Variants in VPS13B observed in about 807,000 individuals in gnomAD.
The protein encoded by VPS13B is vacuolar protein sorting 13 homolog B, also known as intermembrane lipid transfer protein VPS13B.
A neutral mutation model predicts 426.4 loss-of-function variants in VPS13B; 285 were observed. That is an observed-to-expected ratio of 0.67 (90% CI 0.61 to 0.74). The LOEUF is 0.74. Ranked by LOEUF, VPS13B falls within the 30% of genes least tolerant of loss-of-function variation. The pLI is 0.00. For synonymous variants in VPS13B, 1,676 were observed against 1,676.4 expected (o/e 1.00, Z 0.01); for missense variants, 4,537 against 4,782.6 (o/e 0.95, Z 1.51).
intron 17 of VPS13B, among the ~76,000 whole-genome samples, chr8:99,210,788 G>A (rs1443162289): frequency 1.3e-5 from 2 of 152,028 alleles, no homozygotes; most frequent in Non-Finnish European, 2.9e-5. Flanking sequence ...TGTAGAGATG[G>A]AGTTTTGCCA....
intron 52 of VPS13B, 143 bp downstream of exon 52, chr8:99,832,795 A>G: frequency 5.9e-6 from 5 of 843,740 alleles, no homozygotes; most frequent in Non-Finnish European, 9.1e-6. Flanking sequence ...GACATTGTAT[A>G]CAGTGGGTCA....
intron 19 of VPS13B, among the ~76,000 whole-genome samples, chr8:99,363,493 G>T (rs1220954526): frequency 1.3e-5 from 2 of 151,948 alleles, no homozygotes; most frequent in African/African-American, 2.4e-5. Flanking sequence ...TAATTTTTTG[G>T]TTTTTCTGTG....
chr8:99,047,029 A>G (rs1243591062), intron 3 of VPS13B, among the ~76,000 whole-genome samples: 2 of 152,010 alleles, frequency 1.3e-5, no homozygotes, highest in Non-Finnish European at 2.9e-5. Context: ...TATTAGGGTG[A>G]TATCGGTTTC....
intron 19 of VPS13B, among the ~76,000 whole-genome samples, chr8:99,324,933 G>A (rs1406289114): frequency 1.3e-5 from 2 of 151,972 alleles, no homozygotes; most frequent in Non-Finnish European, 2.9e-5. Flanking sequence ...TCCTTCCATT[G>A]TATAATCATA....
chr8:99,661,283 T>C (rs1830213683), intron 34 of VPS13B, 71 bp from the exon 35 acceptor site: 2 of 1,587,670 alleles, frequency 1.3e-6, no homozygotes, highest in Non-Finnish European at 1.7e-6. Context: ...ATTTATTAAC[T>C]CAAACTCATA....
At chr8:99,274,845 T>C (rs1365545294) in intron 18 of VPS13B, among the ~76,000 whole-genome samples, 1 of 152,156 alleles carries the variant, frequency 6.6e-6, no homozygotes, top group African/African-American at 2.4e-5. Flanking sequence ...ACAGTGTGTT[T>C]AGTTGTTTCC....
rs201586761 is a variant in VPS13B at position 99,558,640 on chromosome 8, A to G, written c.4949+1987A>G. Among the ~76,000 whole-genome samples, 43 of 151,828 alleles carry G rather than the reference A, an allele frequency of 2.8e-4. No individual in the cohort carries two copies. In the East Asian group the frequency reaches 7.6e-3, roughly 27 times the overall value. On this transcript the variant is annotated intron_variant, in intron 31 of 61. Transcript: ENST00000357162. ...TGTTCTCATTGTTCAATTCCCACCT[A>G]TGAGTGAGAACATGCGGTGTTTGGT... is the stretch of plus-strand genomic sequence containing the variant.
At chr8:99,159,109 T>A (rs181431230) in intron 15 of VPS13B, among the ~76,000 whole-genome samples, 3 of 152,184 alleles carry the variant, frequency 2.0e-5, no homozygotes, top group African/African-American at 7.2e-5. Context: ...TGGATTACTT[T>A]GAGGGGTTCA....
At chr8:99,661,887 A>G (rs574642769) in intron 35 of VPS13B, among the ~76,000 whole-genome samples, 138 of 152,296 alleles carry the variant, frequency 9.1e-4, no homozygotes, top group Non-Finnish European at 1.5e-3. Context: ...ATATATATAC[A>G]TAAGATAGTA....
In VPS13B at chr8:99,198,164, A is replaced by G. The variant is rs185951628; in HGVS notation, c.2515+5107A>G. 6.1e-3 allele frequency among the ~76,000 whole-genome samples: 928 copies of G among 152,268 alleles called. 14 individuals carry two copies. Among genetic ancestry groups the G allele is most frequent in the African/African-American group, 0.021 (883 of 41,570 alleles). ...ATTTTATATGGATTTACTATTCAAA[A>G]TCTTACCTTTTTGATGCCAGCCCAT... On this transcript the variant is annotated intron_variant, in intron 17 of 61. Coordinates refer to ENST00000357162, the MANE Select transcript of VPS13B (RefSeq NM_152564.5).
chr8:99,357,421 A>T (rs1165007710), intron 19 of VPS13B, among the ~76,000 whole-genome samples: 2 of 152,096 alleles, frequency 1.3e-5, no homozygotes, highest in African/African-American at 4.8e-5. Flanking sequence ...TTCTGTCACT[A>T]TATGTTTCAG....
At chr8:99,166,214 C>T (rs1267937366) in intron 15 of VPS13B, among the ~76,000 whole-genome samples, 1 of 152,074 alleles carries the variant, frequency 6.6e-6, no homozygotes. Flanking sequence ...CTCCTGAGCT[C>T]GTGATCCACC....
intron 25 of VPS13B, among the ~76,000 whole-genome samples, chr8:99,485,401 A>C (rs1450598395): frequency 1.3e-5 from 2 of 152,214 alleles, no homozygotes; most frequent in Non-Finnish European, 2.9e-5. Context: ...ATGAAAGATG[A>C]ATTATAACTC....
intron 35 of VPS13B, among the ~76,000 whole-genome samples, chr8:99,664,167 C>T (rs1322124820): frequency 4.6e-5 from 7 of 151,732 alleles, no homozygotes; most frequent in African/African-American, 7.3e-5. Context: ...CCATCACACC[C>T]GGCTAATTTT....
At chr8:99,764,365 T>C (rs1004165465) in intron 39 of VPS13B, among the ~76,000 whole-genome samples, 10 of 151,442 alleles carry the variant, frequency 6.6e-5, no homozygotes, top group Non-Finnish European at 1.2e-4. Context: ...CTAAACAAAA[T>C]AATATTTCCT....
intron 33 of VPS13B, among the ~76,000 whole-genome samples, chr8:99,626,328 G>A (rs1450616283): frequency 6.6e-6 from 1 of 152,180 alleles, no homozygotes; most frequent in Non-Finnish European, 1.5e-5. Flanking sequence ...AGGGAAAGAA[G>A]CTAGTCATTA....
At chr8:99,545,121 A>AG (rs201476308) in intron 30 of VPS13B, among the ~76,000 whole-genome samples, 1 of 152,176 alleles carries the variant, frequency 6.6e-6, no homozygotes. Flanking sequence ...AAACTCTGCC[A>AG]TGTAAGACTC....
chr8:99,867,093 T>A (rs1300134184), intron 58 of VPS13B, among the ~76,000 whole-genome samples: 1 of 152,206 alleles, frequency 6.6e-6, no homozygotes, highest in Non-Finnish European at 1.5e-5. Context: ...TGAAGAGCAT[T>A]CCCTTTACAA....
intron 16 of VPS13B, among the ~76,000 whole-genome samples, chr8:99,186,966 A>G (rs910932010): frequency 6.6e-6 from 1 of 152,174 alleles, no homozygotes; most frequent in African/African-American, 2.4e-5. Flanking sequence ...GGTACCATAT[A>G]CGGTAGCTGA....
Sources: allele counts gnomAD v4.1 joint callset (sites outside exome capture counted in the v4.1 genomes callset), GRCh38; gene constraint gnomAD v4.1.1; transcripts MANE v1.5; gene names NCBI Gene and HGNC (gene_info 2026-07-23, HGNC 2026-07-21).